ZGPAT: variants seen among roughly 807,000 people sequenced by gnomAD.
The protein encoded by ZGPAT is zinc finger CCCH-type and G-patch domain containing.
Under a neutral mutation model 47.9 loss-of-function variants are expected in ZGPAT, and 39 were observed. That is an observed-to-expected ratio of 0.81 (90% CI 0.63 to 1.06). The LOEUF (loss-of-function observed/expected upper bound fraction) is 1.06. Among genes scored for constraint, ZGPAT ranks in the 50% least tolerant of loss-of-function variants. ZGPAT has a pLI of 0.00. For synonymous variants in ZGPAT, 348 were observed against 292.9 expected (o/e 1.19, Z -1.92); for missense variants, 717 against 681.4 (o/e 1.05, Z -0.58).
chr20:63,727,259 T>C (rs1260089566), intron 2 of ZGPAT, among the ~76,000 whole-genome samples: 1 of 151,090 alleles, frequency 6.6e-6, no homozygotes, highest in Admixed American at 6.6e-5. Flanking sequence ...TTTTTTTTTT[T>C]AGACAGAGTC....
intron 2 of ZGPAT, among the ~76,000 whole-genome samples, chr20:63,727,821 CT>C (rs1377524788): frequency 6.6e-6 from 1 of 151,956 alleles, no homozygotes; most frequent in East Asian, 1.9e-4. Flanking sequence ...ATATCAACTG[CT>C]TTTTTTCCTA....
chr20:63,733,963 G>T, intron 4 of ZGPAT: 1 of 597,134 alleles, frequency 1.7e-6, no homozygotes, highest in Non-Finnish European at 2.9e-6. Flanking sequence ...TTGATGGGAG[G>T]CCATGGTCGT....
intron 2 of ZGPAT, among the ~76,000 whole-genome samples, chr20:63,726,694 T>A (rs2091849554): frequency 6.6e-6 from 1 of 151,500 alleles, no homozygotes; most frequent in African/African-American, 2.4e-5. Context: ...GGCTAAATAA[T>A]TTTTGTAGTT....
At chr20:63,734,899 G>A (rs1257022247) in intron 5 of ZGPAT, 75 bp downstream of exon 5, 21 of 1,487,114 alleles carry the variant, frequency 1.4e-5, no homozygotes, top group Middle Eastern at 1.8e-4. Context: ...TCAGGTTCCC[G>A]GGGTCCCGCA....
At chr20:63,709,298 T>G (rs1403495217) in intron 2 of ZGPAT, 134 bp downstream of exon 2, 2 of 972,872 alleles carry the variant, frequency 2.1e-6, no homozygotes, top group Non-Finnish European at 3.1e-6. Context: ...TTGACAGCTG[T>G]GTCTGTGTTC....
chr20:63,708,117 C>T lies in ZGPAT; in HGVS notation c.-30C>T, dbSNP rs1012275664. ...AAAGGGGGCGCCGGGCCGCTCTAGC[C>T]GGTGAGGCCGGCGGGCTCTCTGTGG... On this transcript the variant is annotated splice_region_variant and 5_prime_UTR_variant, in exon 1 of 7. Coordinates refer to ENST00000355969, the MANE Select transcript of ZGPAT (RefSeq NM_181485.3). 3.9e-5 allele frequency: 6 copies of T among 152,278 alleles called. No individual in the cohort carries two copies. The highest frequency in any genetic ancestry group is 1.3e-4 in the Admixed American group (2 of 15,280). The allele number at this position is 152,278 out of a possible 1,614,324, so 9.4% of individuals were successfully genotyped here. A position where few individuals can be genotyped will look rare whatever the true frequency, so the allele number is the denominator to read the frequency against.
chr20:63,732,400 CTG>C (rs1182722077), intron 2 of ZGPAT, among the ~76,000 whole-genome samples: 3 of 122,766 alleles, frequency 2.4e-5, no homozygotes, highest in East Asian at 2.4e-4. Flanking sequence ...GGGTGAGGGC[CTG>C]TGTGTGCGTG....
chr20:63,708,406 T>C, intron 1 of ZGPAT, 147 bp from the exon 2 acceptor site: 1 of 548,548 alleles, frequency 1.8e-6, no homozygotes, highest in Non-Finnish European at 3.1e-6. Flanking sequence ...TGAGCGGGGG[T>C]ACCCGGGCTG....
chr20:63,733,073 T>G, intron 2 of ZGPAT, 146 bp from the exon 3 acceptor site: 12 of 1,011,792 alleles, frequency 1.2e-5, no homozygotes, highest in African/African-American at 3.2e-5. Context: ...TGTGTGTGCG[T>G]GAGTGTGTGA....
chr20:63,715,244 CTT>C (rs34013765), intron 2 of ZGPAT, among the ~76,000 whole-genome samples: 17 of 136,688 alleles, frequency 1.2e-4, no homozygotes, highest in Non-Finnish European at 9.4e-5. Flanking sequence ...TTTTCTTTTT[CTT>C]TTTTTTTTTT....
At chr20:63,709,252 T>G in intron 2 of ZGPAT, 88 bp downstream of exon 2, 1 of 1,474,310 alleles carries the variant, frequency 6.8e-7, no homozygotes, top group Non-Finnish European at 9.3e-7. Flanking sequence ...CCCTTTGCTT[T>G]GCAGTTTTGT....
chr20:63,711,761 T>C lies in ZGPAT; in HGVS notation c.584+2597T>C, dbSNP rs894899303. On this transcript the variant is annotated intron_variant, in intron 2 of 6. Coordinates refer to ENST00000355969, the MANE Select transcript of ZGPAT (RefSeq NM_181485.3). ...CCACGTGGTGCCCAGCTAATTTTTA[T>C]ATTTTTAGTAGAGGCAGGGTTTCAC... Among the ~76,000 whole-genome samples, 4 of 152,292 alleles carry C rather than the reference T, an allele frequency of 2.6e-5. No homozygotes were observed. In the East Asian group the frequency reaches 5.8e-4, roughly 22 times the overall value.
At chr20:63,711,167 C>T (rs1000746717) in intron 2 of ZGPAT, among the ~76,000 whole-genome samples, 2 of 152,112 alleles carry the variant, frequency 1.3e-5, no homozygotes, top group Non-Finnish European at 1.5e-5. Context: ...ATAGCTGATA[C>T]TACAAGTGTG....
At chr20:63,731,798 C>T (rs554863378) in intron 2 of ZGPAT, among the ~76,000 whole-genome samples, 5 of 152,230 alleles carry the variant, frequency 3.3e-5, no homozygotes, top group African/African-American at 4.8e-5. Context: ...CAACCAATCT[C>T]GAGTTGAAAA....
intron 2 of ZGPAT, among the ~76,000 whole-genome samples, chr20:63,732,631 CGT>C (rs371194680): frequency 4.5e-4 from 60 of 132,852 alleles, no homozygotes; most frequent in Middle Eastern, 3.9e-3. Flanking sequence ...ATGTGTATGA[CGT>C]GTGAGTACAT....
intron 2 of ZGPAT, among the ~76,000 whole-genome samples, chr20:63,714,005 A>G: frequency 6.6e-6 from 1 of 152,156 alleles, no homozygotes; most frequent in East Asian, 1.9e-4. Context: ...ATATATATTC[A>G]ATATATACAA....
chr20:63,732,488 T>C (rs2091922525), intron 2 of ZGPAT, among the ~76,000 whole-genome samples: 1 of 149,366 alleles, frequency 6.7e-6, no homozygotes, highest in African/African-American at 2.5e-5. Flanking sequence ...TGAGGGCGTA[T>C]GTGTGTGGGT....
chr20:63,727,547 T>G (rs1410653039), intron 2 of ZGPAT, among the ~76,000 whole-genome samples: 1 of 152,034 alleles, frequency 6.6e-6, no homozygotes, highest in East Asian at 1.9e-4. Flanking sequence ...AGCTCACACC[T>G]GTAGTCCCAG....
chr20:63,709,210 C>T, intron 2 of ZGPAT, 46 bp downstream of exon 2: 1 of 1,592,516 alleles, frequency 6.3e-7, no homozygotes, highest in Non-Finnish European at 8.5e-7. Flanking sequence ...GCGTAAGGGG[C>T]ACGCACACAG....
Sources: allele counts gnomAD v4.1 joint callset (sites outside exome capture counted in the v4.1 genomes callset), GRCh38; gene constraint gnomAD v4.1.1; transcripts MANE v1.5; gene names NCBI Gene and HGNC (gene_info 2026-07-23, HGNC 2026-07-21).